ZNF644: variants seen among roughly 807,000 people sequenced by gnomAD.
ZNF644 encodes zinc finger protein 644, also known as zinc finger motif enhancer binding protein 2.
A neutral mutation model predicts 108.0 loss-of-function variants in ZNF644; 20 were observed. The ratio of observed to expected loss-of-function variants is 0.19; its 90% confidence interval spans 0.13 to 0.27. The LOEUF is 0.27. Among genes scored for constraint, ZNF644 ranks in the 10% least tolerant of loss-of-function variants. The pLI, the probability that ZNF644 is intolerant of heterozygous loss-of-function variation, is 1.00. For missense variants in ZNF644, 1,338 were observed against 1,548.9 expected (o/e 0.86, Z 2.29); for synonymous variants, 542 against 539.1 (o/e 1.01, Z -0.08).
At chr1:90,991,305 C>T (rs1015926284) in intron 1 of ZNF644, among the ~76,000 whole-genome samples, 13 of 152,150 alleles carry the variant, frequency 8.5e-5, no homozygotes, top group African/African-American at 2.7e-4. Context: ...AGTGGAGGAA[C>T]TAAAACTTTC....
intron 2 of ZNF644, among the ~76,000 whole-genome samples, chr1:90,963,024 G>A (rs1481329601): frequency 6.6e-6 from 1 of 151,984 alleles, no homozygotes; most frequent in Non-Finnish European, 1.5e-5. Flanking sequence ...AGCCAAAGTG[G>A]AATGTATATA....
rs1398011376 is a variant in ZNF644, at chr1:90,915,704, GT to G, written c.*1093del. 6.6e-6 allele frequency: 1 copy of G among 152,568 alleles called. No homozygotes were observed. Among genetic ancestry groups the G allele is most frequent in the Non-Finnish European group, 1.5e-5 (1 of 67,992 alleles). 9.5% of individuals were successfully genotyped at this position (152,568 alleles called of 1,614,324 possible). A position where few individuals can be genotyped will look rare whatever the true frequency, so the allele number is the denominator to read the frequency against. On this transcript the variant is annotated 3_prime_UTR_variant, in exon 6 of 6. Coordinates refer to ENST00000337393, the MANE Select transcript of ZNF644 (RefSeq NM_201269.3). The stretch of plus-strand genomic sequence containing the variant: ...TGTCGGTTCTTAGCATGAGCATAGT[GT>G]TACACGATTTTCGTACATATAATCA...
intron 2 of ZNF644, among the ~76,000 whole-genome samples, chr1:90,956,423 G>A (rs1346455491): frequency 1.3e-5 from 2 of 152,192 alleles, no homozygotes; most frequent in African/African-American, 4.8e-5. Flanking sequence ...GTATGCCAGT[G>A]TAAGTTTATC....
At chr1:90,943,553 A>G (rs1652224536) in intron 2 of ZNF644, among the ~76,000 whole-genome samples, 1 of 152,250 alleles carries the variant, frequency 6.6e-6, no homozygotes, top group African/African-American at 2.4e-5. Flanking sequence ...GTTATTTAAT[A>G]CAACAAATAC....
intron 1 of ZNF644, among the ~76,000 whole-genome samples, chr1:90,991,741 C>T (rs372985396): frequency 1.8e-4 from 27 of 152,286 alleles, no homozygotes; most frequent in African/African-American, 6.5e-4. Context: ...ACCACAACAA[C>T]AGCAAGGTGG....
rs955886676 is a variant in ZNF644, at chr1:90,918,162, G to T, written c.3689-8C>A. ...TTTGCTTACAATCTAAGGCTAAAAA[G>T]GGGAAGAGAAAGACTTAACATTCCT... On this transcript the variant is annotated splice_polypyrimidine_tract_variant and splice_region_variant and intron_variant, in intron 4 of 5. Coordinates refer to ENST00000337393, the MANE Select transcript of ZNF644 (RefSeq NM_201269.3). The T allele has an allele frequency of 1.6e-5, 26 of 1,608,776 alleles. No individual in the cohort carries two copies. The highest frequency in any genetic ancestry group is 2.1e-5 in the Non-Finnish European group (25 of 1,175,372).
At chr1:90,928,616 C>A (rs965954380) in intron 4 of ZNF644, among the ~76,000 whole-genome samples, 5 of 152,106 alleles carry the variant, frequency 3.3e-5, no homozygotes, top group African/African-American at 7.2e-5. Flanking sequence ...AGCCACCACG[C>A]CCGGCCTCCT....
At position 90,939,683 on chromosome 1, in the gene ZNF644, G is replaced by T; in HGVS notation, c.1671C>A (p.Val557=). 1 of 1,613,974 alleles carries T rather than the reference G, an allele frequency of 6.2e-7. No individual in the cohort carries two copies. The highest frequency in any genetic ancestry group is 1.1e-5 in the South Asian group (1 of 91,072). ...TTTTTCTCTGGGCAATATCAGAAGTGACCATAGGGCATTTTACCACTGCCC... is the reference window on the plus strand; with the variant it reads ...TTTTTCTCTGGGCAATATCAGAAGTTACCATAGGGCATTTTACCACTGCCC... ...AHGAVVKCPM[V]TSDIAQRKTQ... is the part of the protein sequence containing the mutation. The change falls in exon 3 of 6, where the codon GTC becomes GTA. Residue 557 remains valine, a synonymous_variant. Transcript: ENST00000337393.
At chr1:90,954,518 T>A (rs139885256) in intron 2 of ZNF644, among the ~76,000 whole-genome samples, 1 of 152,138 alleles carries the variant, frequency 6.6e-6, no homozygotes, top group Non-Finnish European at 1.5e-5. Context: ...GCAATTCTCC[T>A]GGCTCAGCCT....
chr1:90,994,542 A>C (rs1657944191), intron 1 of ZNF644, among the ~76,000 whole-genome samples: 1 of 152,218 alleles, frequency 6.6e-6, no homozygotes, highest in South Asian at 2.1e-4. Context: ...AGGCACAGAG[A>C]AGACCTGAAG....
intron 1 of ZNF644, among the ~76,000 whole-genome samples, chr1:91,020,086 T>C (rs1660764002): frequency 1.3e-5 from 2 of 152,150 alleles, no homozygotes; most frequent in Non-Finnish European, 2.9e-5. Context: ...CCTCAATATA[T>C]TGTAAAAGAG....
intron 1 of ZNF644, among the ~76,000 whole-genome samples, chr1:90,997,988 G>A (rs569916904): frequency 6.6e-5 from 10 of 152,294 alleles, no homozygotes; most frequent in Non-Finnish European, 5.9e-5. Context: ...AGGCAGCAGC[G>A]AGGCTGGGGG....
At chr1:90,950,335 A>C (rs1653008284) in intron 2 of ZNF644, among the ~76,000 whole-genome samples, 1 of 62,210 alleles carries the variant, frequency 1.6e-5, no homozygotes, top group South Asian at 6.8e-4. Context: ...AAAAGAAAAG[A>C]AAAGAAAAGA....
At position 90,940,891 on chromosome 1, in the gene ZNF644, A is replaced by T. The variant is rs2100968281; in HGVS notation, c.463T>A (p.Leu155Met). Residue 155 changes from leucine (L) to methionine (M), a missense_variant, in exon 3 of 6, where the codon TTG becomes ATG. Leu to Met is a conservative substitution (Grantham distance 15). This residue lies in a region of ZNF644 where 464 missense variants were observed against 457.9 expected (regional missense o/e 1.01). Coordinates refer to ENST00000337393, the MANE Select transcript of ZNF644 (RefSeq NM_201269.3). ...AGCTGAAGATCAGCTGCTACCTTCAAAGTTGAACAAGATTCTGTTGTTGGC... is the reference window on the plus strand; with the variant it reads ...AGCTGAAGATCAGCTGCTACCTTCATAGTTGAACAAGATTCTGTTGTTGGC... The part of the protein sequence containing the change: ...DQPTTESCST[L>M]KVAADLQLST... 5 of 1,614,074 alleles carry T rather than the reference A, an allele frequency of 3.1e-6. No individual in the cohort carries two copies. Among genetic ancestry groups the T allele is most frequent in the Non-Finnish European group, 4.2e-6 (5 of 1,179,976 alleles).
intron 4 of ZNF644, among the ~76,000 whole-genome samples, chr1:90,924,229 C>T (rs1390771544): frequency 6.6e-6 from 1 of 152,128 alleles, no homozygotes; most frequent in Non-Finnish European, 1.5e-5. Flanking sequence ...AAACGTATTA[C>T]TTCTTTGTGG....
chr1:90,988,990 A>G (rs1468112609), intron 1 of ZNF644, among the ~76,000 whole-genome samples: 1 of 152,194 alleles, frequency 6.6e-6, no homozygotes, highest in African/African-American at 2.4e-5. Flanking sequence ...ATTCTTGAAC[A>G]TGACACCAAA....
At chr1:91,019,340 T>C (rs1029520468) in intron 1 of ZNF644, among the ~76,000 whole-genome samples, 5 of 152,224 alleles carry the variant, frequency 3.3e-5, no homozygotes, top group Admixed American at 6.5e-5. Flanking sequence ...TTTCTTTTCC[T>C]ACATAATAAC....
intron 2 of ZNF644, among the ~76,000 whole-genome samples, chr1:90,948,543 C>T (rs1211581742): frequency 2.6e-5 from 4 of 152,190 alleles, no homozygotes; most frequent in Non-Finnish European, 5.9e-5. Context: ...CTTAAGTCCC[C>T]GCACTTGACA....
Position 90,938,973 on chromosome 1 carries a change from G to A in ZNF644, c.2381C>T (p.Ala794Val), listed in dbSNP as rs10922938. ...ATCTTTGAAGCTTTCAGGCCTTTTG[G>A]CGTCAGGCTTATGAGGGTCTGAAAT... ...NFISDPHKPD[A>V]KRPESFKDHR... Residue 794 changes from alanine (A) to valine (V), a missense_variant, in exon 3 of 6, where the codon GCC (alanine) becomes GTC (valine). Physicochemically the swap from Ala to Val is moderately conservative, Grantham distance 64. Coordinates refer to ENST00000337393, the MANE Select transcript of ZNF644 (RefSeq NM_201269.3). This position sits in a 1 kb window ranked among gnomAD's most constrained non-coding sequence, Gnocchi z 4.2. 7.0e-4 allele frequency: 1,126 copies of A among 1,613,902 alleles called. 8 individuals carry two copies. The African/African-American group carries it at 0.013, about 19-fold the overall frequency.
Sources: gnomAD v4.1 joint callset for allele counts (sites outside exome capture counted in the v4.1 genomes callset) on GRCh38, gnomAD v4.1.1 for gene constraint, gnomAD v4.1.1 regional missense constraint, Gnocchi (gnomAD v3.1) non-coding constraint, MANE v1.5 for transcripts, NCBI Gene and HGNC (gene_info 2026-07-23, HGNC 2026-07-21) for gene names.